The following DNAH11 variants were observed in gnomAD, a reference collection of about 807,000 sequenced individuals.
DNAH11 encodes dynein axonemal heavy chain 11.
A neutral mutation model predicts 526.0 loss-of-function variants in DNAH11; 442 were observed. That is an observed-to-expected ratio of 0.84 (90% CI 0.78 to 0.91). DNAH11 has a LOEUF of 0.91. Ranked by LOEUF, DNAH11 falls within the 40% of genes least tolerant of loss-of-function variation. The pLI, the probability that DNAH11 is intolerant of heterozygous loss-of-function variation, is 0.00. For synonymous variants in DNAH11, 2,461 were observed against 1,935.9 expected, an observed-to-expected ratio of 1.27 and a Z score of -7.12; for missense variants, 6,989 against 5,448.7, an observed-to-expected ratio of 1.28 and a Z score of -8.90.
In DNAH11 at chr7:21,765,492, T is replaced by G; in HGVS notation, c.9005T>G (p.Ile3002Arg). 8 of 1,613,878 alleles carry G rather than the reference T, an allele frequency of 5.0e-6. No individual in the cohort carries two copies. Among genetic ancestry groups the G allele is most frequent in the Non-Finnish European group, 6.8e-6 (8 of 1,179,824 alleles). The stretch of plus-strand genomic sequence containing the variant: ...GTTAGAGCTCGGAAGTTCCCAGCCA[T>G]AGTTAACTGCACGGCTATTGACTGG... ...LRVRARKFPAIVNCTAIDWFH... is the reference protein window; with the variant it reads ...LRVRARKFPARVNCTAIDWFH... The change falls in exon 55 of 82, where the codon ATA becomes AGA. Residue 3002 changes from isoleucine to arginine, a missense_variant. Coordinates refer to ENST00000409508, the MANE Select transcript of DNAH11 (RefSeq NM_001277115.2).
chr7:21,888,404 G>A (rs115463371), intron 76 of DNAH11, among the ~76,000 whole-genome samples: 216 of 152,260 alleles, frequency 1.4e-3, no homozygotes, highest in African/African-American at 5.0e-3. Flanking sequence ...ATAATCTCAT[G>A]GAGTCCAACA....
chr7:21,744,420 C>A lies in DNAH11; in HGVS notation c.8155-18C>A. 6.2e-7 allele frequency: 1 copy of A among 1,609,256 alleles called. No individual in the cohort carries two copies. Among genetic ancestry groups the A allele is most frequent in the Non-Finnish European group, 8.5e-7 (1 of 1,178,430 alleles). ...CAGCCTCTGAATTAAAGGTATTTTCCCCATTCTTGCCTTGTAGGGGATTTT... is the reference window on the plus strand; with the variant it reads ...CAGCCTCTGAATTAAAGGTATTTTCACCATTCTTGCCTTGTAGGGGATTTT... On this transcript the variant is annotated intron_variant, in intron 49 of 81. Coordinates refer to ENST00000409508, the MANE Select transcript of DNAH11 (RefSeq NM_001277115.2).
intron 51 of DNAH11, among the ~76,000 whole-genome samples, chr7:21,746,183 A>C (rs938705200): frequency 6.6e-6 from 1 of 152,192 alleles, no homozygotes; most frequent in Admixed American, 6.5e-5. Flanking sequence ...AAAGTTGATC[A>C]CATGTTTACA....
At chr7:21,694,534 C>A (rs1457684563) in intron 35 of DNAH11, among the ~76,000 whole-genome samples, 5 of 152,146 alleles carry the variant, frequency 3.3e-5, no homozygotes, top group African/African-American at 1.2e-4. Flanking sequence ...TGAACTCATT[C>A]CTTTTTATGG....
At chr7:21,897,118 G>GT (rs892445655) in intron 79 of DNAH11, among the ~76,000 whole-genome samples, 18 of 152,054 alleles carry the variant, frequency 1.2e-4, no homozygotes, top group African/African-American at 4.3e-4. Context: ...TCAGTTCCAG[G>GT]TTTTTTATAT....
rs143095712 is a variant in DNAH11 at position 21,875,763 on chromosome 7, C to G, written c.12195+2262C>G. Among the ~76,000 whole-genome samples the G allele has an allele frequency of 4.2e-3, 641 of 151,940 alleles. 12 individuals are homozygous for G. The highest frequency in any genetic ancestry group is 0.037 in the Admixed American group (563 of 15,254). On this transcript the variant is annotated intron_variant, in intron 74 of 81. Transcript: ENST00000409508. ...AATTCCCTAGTTAAGAACACCTGTTCTGGTCTTTTCATGAACCTGTCAATT... is the reference window on the plus strand; with the variant it reads ...AATTCCCTAGTTAAGAACACCTGTTGTGGTCTTTTCATGAACCTGTCAATT...
Position 21,687,528 on chromosome 7 carries a change from G to C in DNAH11, c.5924+1G>C, listed in dbSNP as rs886039340. The C allele has an allele frequency of 5.0e-6, 8 of 1,612,984 alleles. No homozygotes were observed. In the Middle Eastern group the frequency reaches 1.3e-3, roughly 266 times the overall value. On this transcript the variant is annotated splice_donor_variant, in intron 34 of 81. Coordinates refer to ENST00000409508, the MANE Select transcript of DNAH11 (RefSeq NM_001277115.2). LOFTEE classifies it high-confidence loss of function. ...ATGCCATCAGAAACAGGAAGAAGAG[G>C]TGAGTGGCATGCAGGCTATCTCTTG...
At chr7:21,877,388 A>AT (rs1231649755) in intron 74 of DNAH11, among the ~76,000 whole-genome samples, 30 of 152,214 alleles carry the variant, frequency 2.0e-4, no homozygotes, top group Non-Finnish European at 7.3e-5. Context: ...TTTTAAATCC[A>AT]TATTTTTAAT....
chr7:21,617,901 T>C, intron 23 of DNAH11, 124 bp downstream of exon 23: 1 of 1,078,828 alleles, frequency 9.3e-7, no homozygotes, highest in Non-Finnish European at 1.3e-6. Flanking sequence ...CTCTACTTGC[T>C]GTGTTATGCC....
At chr7:21,651,175 C>G (rs928348681) in intron 28 of DNAH11, among the ~76,000 whole-genome samples, 1 of 151,888 alleles carries the variant, frequency 6.6e-6, no homozygotes, top group African/African-American at 2.4e-5. Context: ...ATGAATGAGT[C>G]CTGAGGTGCT....
At chr7:21,657,074 C>A (rs796106244) in intron 29 of DNAH11, among the ~76,000 whole-genome samples, 1 of 152,102 alleles carries the variant, frequency 6.6e-6, no homozygotes, top group African/African-American at 2.4e-5. Flanking sequence ...TTATAGTGCT[C>A]TAATTTATTC....
intron 14 of DNAH11, among the ~76,000 whole-genome samples, chr7:21,595,720 A>G (rs1562687939): frequency 6.6e-6 from 1 of 152,110 alleles, no homozygotes; most frequent in Non-Finnish European, 1.5e-5. Context: ...AGAGTTAATG[A>G]GAGGGGTCCA....
At chr7:21,599,109 G>A (rs529143925) in intron 14 of DNAH11, among the ~76,000 whole-genome samples, 1 of 152,194 alleles carries the variant, frequency 6.6e-6, no homozygotes, top group Non-Finnish European at 1.5e-5. Flanking sequence ...CCAGTGATGG[G>A]ATTGCTGGGT....
intron 20 of DNAH11, among the ~76,000 whole-genome samples, chr7:21,607,907 C>T (rs1785361634): frequency 7.6e-6 from 1 of 131,134 alleles, no homozygotes; most frequent in Admixed American, 9.3e-5. Context: ...CATTGTACTC[C>T]AGCCTGGCGA....
chr7:21,565,094 A>G (rs1311120797), intron 6 of DNAH11, among the ~76,000 whole-genome samples: 1 of 152,158 alleles, frequency 6.6e-6, no homozygotes, highest in Non-Finnish European at 1.5e-5. Context: ...TGCCATAGCA[A>G]AGTACTATGG....
intron 70 of DNAH11, among the ~76,000 whole-genome samples, chr7:21,866,109 A>T (rs1179257684): frequency 6.6e-6 from 1 of 152,140 alleles, no homozygotes; most frequent in East Asian, 1.9e-4. Context: ...CCTCCTAGGA[A>T]TGCAGCCCAG....
In DNAH11 at chr7:21,813,385, T is replaced by C. The variant is rs1789618801; in HGVS notation, c.10333-3082T>C. 2.0e-5 allele frequency among the ~76,000 whole-genome samples: 3 copies of C among 152,326 alleles called. 1 individual carries two copies. The South Asian group carries it at 6.2e-4, about 32-fold the overall frequency. On this transcript the variant is annotated intron_variant, in intron 63 of 81. Coordinates refer to ENST00000409508, the MANE Select transcript of DNAH11 (RefSeq NM_001277115.2). ...AGCCTCTGTGTCCTAAGCAATAAAA[T>C]AGAGATATCTACCTTGCAGAACTCT...
At chr7:21,678,246 T>G (rs1199756700) in intron 30 of DNAH11, among the ~76,000 whole-genome samples, 1 of 151,942 alleles carries the variant, frequency 6.6e-6, no homozygotes, top group African/African-American at 2.4e-5. Context: ...GTTTTTTTTG[T>G]GTGTGTATAG....
chr7:21,728,237 C>CCTTTTT (rs1785218570), intron 45 of DNAH11, among the ~76,000 whole-genome samples: 1 of 58,870 alleles, frequency 1.7e-5, no homozygotes, highest in African/African-American at 7.7e-5. Flanking sequence ...GCCCACAATT[C>CCTTTTT]TTTTTTTTTT....
Sources: gnomAD v4.1 joint callset for allele counts (sites outside exome capture counted in the v4.1 genomes callset) on GRCh38, gnomAD v4.1.1 for gene constraint, MANE v1.5 for transcripts, NCBI Gene and HGNC (gene_info 2026-07-23, HGNC 2026-07-21) for gene names.